CNTNAP5: variants seen among roughly 807,000 people sequenced by gnomAD.
The protein encoded by CNTNAP5 is contactin associated protein family member 5, also known as contactin-associated protein-like 5.
In CNTNAP5, 72 loss-of-function variants were observed where a neutral mutation model predicts 150.2. The observed-to-expected ratio is 0.48, with a 90% CI of 0.40 to 0.58. The LOEUF (loss-of-function observed/expected upper bound fraction) is 0.58, where lower values mean the gene tolerates loss of function less well. Ranked by LOEUF, CNTNAP5 falls within the 20% of genes least tolerant of loss-of-function variation. The pLI is 0.00. For synonymous variants in CNTNAP5, 672 were observed against 619.8 expected, an observed-to-expected ratio of 1.08 and a Z score of -1.25; for missense variants, 1,636 against 1,626.2, an observed-to-expected ratio of 1.01 and a Z score of -0.10.
At chr2:124,665,803 G>A (rs552933569) in intron 13 of CNTNAP5, among the ~76,000 whole-genome samples, 207 of 151,806 alleles carry the variant, frequency 1.4e-3, no homozygotes, top group Non-Finnish European at 1.7e-3. Context: ...GGAGAATGGC[G>A]GGAACCCGGG....
intron 10 of CNTNAP5, among the ~76,000 whole-genome samples, chr2:124,558,096 C>T (rs1033820707): frequency 2.6e-5 from 4 of 152,090 alleles, no homozygotes; most frequent in African/African-American, 7.2e-5. Context: ...TTATAGGGTC[C>T]CCCTTGCTCT....
At chr2:124,167,217 A>G (rs553030346) in intron 1 of CNTNAP5, among the ~76,000 whole-genome samples, 29 of 152,298 alleles carry the variant, frequency 1.9e-4, no homozygotes, top group Admixed American at 6.5e-4. Flanking sequence ...TGATGTTCTC[A>G]TGTTTGGGAA....
At chr2:124,743,283 A>G (rs1255054145) in intron 13 of CNTNAP5, among the ~76,000 whole-genome samples, 3 of 152,188 alleles carry the variant, frequency 2.0e-5, no homozygotes, top group Non-Finnish European at 4.4e-5. Context: ...AAGAGATACT[A>G]AGTTTCTGCT....
At chr2:124,135,131 G>A (rs1315140251) in intron 1 of CNTNAP5, 1 of 152,218 alleles carries the variant, frequency 6.6e-6, no homozygotes, top group Non-Finnish European at 1.5e-5. Flanking sequence ...CAAGAAGTAA[G>A]AAAGCCTGAA....
At chr2:124,840,807 G>T (rs572796598) in intron 19 of CNTNAP5, among the ~76,000 whole-genome samples, 22 of 152,186 alleles carry the variant, frequency 1.4e-4, no homozygotes, top group Admixed American at 9.2e-4. Context: ...TTTCATTTAT[G>T]AAAGTGCCTG....
chr2:124,403,952 G>C (rs897653841), intron 3 of CNTNAP5, among the ~76,000 whole-genome samples: 6 of 152,146 alleles, frequency 3.9e-5, no homozygotes, highest in Admixed American at 6.5e-5. Flanking sequence ...ACTAGCACGA[G>C]AATAGCATGG....
intron 18 of CNTNAP5, among the ~76,000 whole-genome samples, chr2:124,795,654 A>C (rs1237251484): frequency 1.3e-5 from 2 of 152,054 alleles, no homozygotes; most frequent in Non-Finnish European, 2.9e-5. Flanking sequence ...AGTAGCTGGT[A>C]TTACAAGCAC....
chr2:124,774,895 G>T (rs867195873), intron 17 of CNTNAP5, among the ~76,000 whole-genome samples: 22 of 152,294 alleles, frequency 1.4e-4, no homozygotes, highest in African/African-American at 5.1e-4. Context: ...GTGTTTCATG[G>T]CAGATTTCTA....
intron 3 of CNTNAP5, among the ~76,000 whole-genome samples, chr2:124,356,097 A>C (rs1689993009): frequency 6.6e-6 from 1 of 152,154 alleles, no homozygotes; most frequent in Admixed American, 6.5e-5. Context: ...AGTTTGACCA[A>C]ATGACAGAAT....
At chr2:124,402,673 A>C (rs1032433556) in intron 3 of CNTNAP5, among the ~76,000 whole-genome samples, 3 of 152,342 alleles carry the variant, frequency 2.0e-5, no homozygotes, top group Non-Finnish European at 4.4e-5. Context: ...GACAGCAATC[A>C]AATTCTGAGT....
intron 13 of CNTNAP5, among the ~76,000 whole-genome samples, chr2:124,690,850 A>G (rs1679286338): frequency 6.6e-6 from 1 of 152,084 alleles, no homozygotes; most frequent in African/African-American, 2.4e-5. Context: ...TGCTTATTCA[A>G]AAATTTATCA....
At chr2:124,785,041 G>T in intron 17 of CNTNAP5, among the ~76,000 whole-genome samples, 2 of 123,504 alleles carry the variant, frequency 1.6e-5, no homozygotes, top group African/African-American at 3.0e-5. Context: ...TTAAGGCTGA[G>T]AAAAAAAAAA....
In CNTNAP5 at chr2:124,417,674, A is replaced by T. The variant is rs1016464387; in HGVS notation, c.529+84A>T. 7 of 1,284,302 alleles carry T rather than the reference A, an allele frequency of 5.5e-6. No homozygotes were observed. The African/African-American group carries it at 1.0e-4, about 19-fold the overall frequency. 79.6% of individuals were successfully genotyped at this position (1,284,302 alleles called of 1,614,324 possible). On this transcript the variant is annotated intron_variant, in intron 4 of 23. Coordinates refer to ENST00000682447, the MANE Select transcript of CNTNAP5 (RefSeq NM_001367498.1). ...CATCAGTTTATCTACATTGAGATTG[A>T]CAATCATCTTATTTTAAAGTTGTTT...
intron 1 of CNTNAP5, among the ~76,000 whole-genome samples, chr2:124,125,925 G>A (rs771602024): frequency 1.3e-5 from 2 of 152,164 alleles, no homozygotes; most frequent in African/African-American, 2.4e-5. Flanking sequence ...TATGTAGAGG[G>A]AAATTTATAG....
intron 10 of CNTNAP5, among the ~76,000 whole-genome samples, chr2:124,538,609 G>GAAAGGAAGGAAGAAA (rs1695302894): frequency 6.8e-6 from 1 of 147,816 alleles, no homozygotes; most frequent in Non-Finnish European, 1.5e-5. Context: ...AAGGAAGAAA[G>GAAAGGAAGGAAGAAA]AAAGGAAGAA....
intron 3 of CNTNAP5, among the ~76,000 whole-genome samples, chr2:124,279,243 G>C (rs2104621012): frequency 6.6e-6 from 1 of 151,318 alleles, no homozygotes; most frequent in African/African-American, 2.5e-5. Flanking sequence ...GTGTGTGTGT[G>C]TGTGTCTGTG....
At chr2:124,436,958 T>C (rs1225071927) in intron 5 of CNTNAP5, among the ~76,000 whole-genome samples, 3 of 152,194 alleles carry the variant, frequency 2.0e-5, no homozygotes, top group Non-Finnish European at 4.4e-5. Flanking sequence ...CATAAGTTTC[T>C]AGGTTCCTCT....
At chr2:124,832,856 T>C (rs1682744836) in intron 19 of CNTNAP5, among the ~76,000 whole-genome samples, 1 of 151,988 alleles carries the variant, frequency 6.6e-6, no homozygotes, top group Non-Finnish European at 1.5e-5. Context: ...ACTCTATAGT[T>C]GCGAATTTTT....
At chr2:124,623,104 T>C (rs1677651671) in intron 12 of CNTNAP5, among the ~76,000 whole-genome samples, 1 of 152,174 alleles carries the variant, frequency 6.6e-6, no homozygotes, top group African/African-American at 2.4e-5. Flanking sequence ...ACACTTCCTC[T>C]ACTATGTTGA....
Sources: allele counts gnomAD v4.1 joint callset (sites outside exome capture counted in the v4.1 genomes callset), GRCh38; gene constraint gnomAD v4.1.1; transcripts MANE v1.5; gene names NCBI Gene and HGNC (gene_info 2026-07-23, HGNC 2026-07-21).